SLC35F4: variants seen among roughly 807,000 people sequenced by gnomAD.
SLC35F4 encodes the protein chromosome 14 open reading frame 36.
A neutral mutation model predicts 44.2 loss-of-function variants in SLC35F4; 24 were observed. The ratio of observed to expected loss-of-function variants is 0.54; its 90% confidence interval spans 0.39 to 0.76. SLC35F4 has a LOEUF of 0.76. SLC35F4 is among the 30% of genes least tolerant of loss of function. SLC35F4 has a pLI of 0.00. For missense variants in SLC35F4, 562 were observed against 586.1 expected (o/e 0.96, Z 0.42); for synonymous variants, 238 against 223.6 (o/e 1.06, Z -0.57).
At chr14:57,914,673 C>T (rs1236972060) in intron 1 of SLC35F4, among the ~76,000 whole-genome samples, 1 of 152,198 alleles carries the variant, frequency 6.6e-6, no homozygotes, top group Non-Finnish European at 1.5e-5. Context: ...CCCCTCAGCA[C>T]TATTACAATG....
intron 1 of SLC35F4, among the ~76,000 whole-genome samples, chr14:57,669,341 G>A (rs2074429191): frequency 6.6e-6 from 1 of 151,932 alleles, no homozygotes; most frequent in African/African-American, 2.4e-5. Context: ...CTGCCTGATT[G>A]CCCTGACCAG....
At position 57,588,954 on chromosome 14, in the gene SLC35F4, GA is replaced by G. The variant is rs370461342; in HGVS notation, c.587+261del. 6.2e-3 allele frequency among the ~76,000 whole-genome samples: 946 copies of G among 152,198 alleles called. 12 individuals carry two copies. The highest frequency in any genetic ancestry group is 0.021 in the African/African-American group (881 of 41,502). On this transcript the variant is annotated intron_variant, in intron 3 of 7. Transcript: ENST00000556826. ...TTGTGTCCTCTTGTCTTAAAATGGGGATAACACCACCTTAAAATGTAAATGT... is the reference window on the plus strand; with the variant it reads ...TTGTGTCCTCTTGTCTTAAAATGGGGTAACACCACCTTAAAATGTAAATGT...
At chr14:57,883,671 T>C (rs540190099) in intron 1 of SLC35F4, among the ~76,000 whole-genome samples, 5 of 152,334 alleles carry the variant, frequency 3.3e-5, no homozygotes, top group Admixed American at 6.5e-5. Context: ...TCCCACCCTA[T>C]GGAATTTTGG....
chr14:57,611,131 C>T (rs1472992397), intron 1 of SLC35F4, among the ~76,000 whole-genome samples: 1 of 152,150 alleles, frequency 6.6e-6, no homozygotes, highest in Non-Finnish European at 1.5e-5. Flanking sequence ...ACTGCACATG[C>T]AAAGACCCTG....
In SLC35F4 at chr14:57,981,032, A is replaced by C. The variant is rs548816985; in HGVS notation, n.151+881T>G. On this transcript the variant is annotated intron_variant and non_coding_transcript_variant, in intron 1 of 1. Transcript: ENST00000554648. ...AAGGCTGTATGCATCAATGGAGAAG[A>C]AGGATTCGCCTCTATTCCCTACACC... is the stretch of plus-strand genomic sequence containing the variant. Among the ~76,000 whole-genome samples the C allele has an allele frequency of 2.6e-5, 4 of 152,292 alleles. No homozygotes were observed. In the South Asian group the frequency reaches 8.3e-4, roughly 32 times the overall value.
At chr14:57,741,316 A>G (rs746625636) in intron 1 of SLC35F4, among the ~76,000 whole-genome samples, 2 of 152,200 alleles carry the variant, frequency 1.3e-5, no homozygotes, top group Non-Finnish European at 2.9e-5. Flanking sequence ...GTTTGAACCC[A>G]TTGCAAAATA....
At chr14:57,804,032 G>A (rs1817047091) in intron 1 of SLC35F4, among the ~76,000 whole-genome samples, 1 of 152,166 alleles carries the variant, frequency 6.6e-6, no homozygotes, top group South Asian at 2.1e-4. Context: ...GCTACAAAGA[G>A]AATAAAATAT....
At chr14:57,570,050 C>A (rs1251190594) in intron 5 of SLC35F4, 70 bp from the exon 6 acceptor site, 1 of 1,401,122 alleles carries the variant, frequency 7.1e-7, no homozygotes, top group Non-Finnish European at 9.5e-7. Flanking sequence ...TCTTACTGTT[C>A]CATACTGTGA....
chr14:57,668,407 T>A (rs527329962), intron 1 of SLC35F4, among the ~76,000 whole-genome samples: 4 of 152,024 alleles, frequency 2.6e-5, no homozygotes, highest in African/African-American at 9.7e-5. Context: ...TCCTTGCCCA[T>A]GCCTATGTCC....
chr14:57,770,615 C>T (rs2077340545), intron 1 of SLC35F4, among the ~76,000 whole-genome samples: 1 of 152,148 alleles, frequency 6.6e-6, no homozygotes, highest in South Asian at 2.1e-4. Flanking sequence ...TCCTTGGGAG[C>T]TCTCCAAGGA....
At chr14:57,848,418 C>T (rs1886224044) in intron 1 of SLC35F4, among the ~76,000 whole-genome samples, 1 of 152,204 alleles carries the variant, frequency 6.6e-6, no homozygotes, top group Admixed American at 6.5e-5. Context: ...CTGAGGCTCC[C>T]AGGTTTCTTT....
At chr14:57,763,446 A>G (rs561733849) in intron 1 of SLC35F4, among the ~76,000 whole-genome samples, 2 of 152,302 alleles carry the variant, frequency 1.3e-5, no homozygotes, top group African/African-American at 2.4e-5. Context: ...TTAAGAGTGC[A>G]AACTCCAGAG....
At chr14:57,930,016 A>G (rs1889664436) in intron 1 of SLC35F4, among the ~76,000 whole-genome samples, 1 of 152,158 alleles carries the variant, frequency 6.6e-6, no homozygotes, top group Non-Finnish European at 1.5e-5. Context: ...GGGATAGGGG[A>G]AGATTGGCCA....
chr14:57,570,522 A>G (rs532953571), intron 5 of SLC35F4, among the ~76,000 whole-genome samples: 2 of 152,318 alleles, frequency 1.3e-5, no homozygotes, highest in East Asian at 1.9e-4. Context: ...AGCAGTTTTT[A>G]TATATTATAA....
At chr14:57,572,578 C>A (rs2068571149) in intron 4 of SLC35F4, among the ~76,000 whole-genome samples, 1 of 152,188 alleles carries the variant, frequency 6.6e-6, no homozygotes, top group African/African-American at 2.4e-5. Context: ...TATAAAGGAG[C>A]AAGCTGAGTC....
At position 57,909,739 on chromosome 14, in the gene SLC35F4, C is replaced by A. The variant is rs146847214; in HGVS notation, n.282+72174G>T. Among the ~76,000 whole-genome samples the A allele has an allele frequency of 7.2e-5, 11 of 152,188 alleles. No homozygotes were observed. In the East Asian group the frequency reaches 2.1e-3, roughly 29 times the overall value. On this transcript the variant is annotated intron_variant and non_coding_transcript_variant, in intron 1 of 1. Coordinates refer to the SLC35F4 transcript ENST00000556568. Reference sequence around the variant, plus strand: ...TGCCTACTGAGGGATATGTTGGTTGCTTCCAAGTTTTGGCAATTATGAATA... The same window carrying A: ...TGCCTACTGAGGGATATGTTGGTTGATTCCAAGTTTTGGCAATTATGAATA...
intron 1 of SLC35F4, among the ~76,000 whole-genome samples, chr14:57,677,825 G>A (rs191215486): frequency 6.6e-6 from 1 of 151,926 alleles, no homozygotes; most frequent in African/African-American, 2.4e-5. Context: ...ATTAATACCA[G>A]TTGAAAAATG....
chr14:57,807,423 G>A (rs999449590), intron 1 of SLC35F4, among the ~76,000 whole-genome samples: 1 of 151,920 alleles, frequency 6.6e-6, no homozygotes, highest in African/African-American at 2.4e-5. Context: ...CCTCCAAGCA[G>A]GAAACAGGCA....
intron 1 of SLC35F4, among the ~76,000 whole-genome samples, chr14:57,865,195 G>A (rs988394118): frequency 2.0e-5 from 3 of 151,872 alleles, no homozygotes; most frequent in African/African-American, 7.3e-5. Flanking sequence ...TAACTCCCGC[G>A]CTGGCAGCGT....
Sources: gnomAD v4.1 joint callset for allele counts (sites outside exome capture counted in the v4.1 genomes callset) on GRCh38, gnomAD v4.1.1 for gene constraint, MANE v1.5 for transcripts, NCBI Gene and HGNC (gene_info 2026-07-23, HGNC 2026-07-21) for gene names.